NCALD: variants seen among roughly 807,000 people sequenced by gnomAD.
NCALD encodes neurocalcin delta, also known as neurocalcin-delta.
In NCALD, 10 loss-of-function variants were observed where a neutral mutation model predicts 18.6. The ratio of observed to expected loss-of-function variants is 0.54; its 90% confidence interval spans 0.33 to 0.91. NCALD has a LOEUF of 0.91. Ranked by LOEUF, NCALD falls within the 40% of genes least tolerant of loss-of-function variation. The pLI is 0.03. For synonymous variants in NCALD, 88 were observed against 87.4 expected, an observed-to-expected ratio of 1.01 and a Z score of -0.04; for missense variants, 184 against 247.6, an observed-to-expected ratio of 0.74 and a Z score of 1.72.
intron 2 of NCALD, among the ~76,000 whole-genome samples, chr8:101,969,959 A>T (rs886691731): frequency 6.6e-6 from 1 of 152,228 alleles, no homozygotes; most frequent in African/African-American, 2.4e-5. Context: ...GTTTACAGAT[A>T]ATAGAGCATA....
intron 3 of NCALD, among the ~76,000 whole-genome samples, chr8:101,914,489 A>C (rs1049128909): frequency 2.0e-5 from 3 of 152,156 alleles, no homozygotes; most frequent in African/African-American, 7.2e-5. Flanking sequence ...TACTCTTTGA[A>C]AGAAAGTCAT....
At chr8:101,728,250 G>A (rs950081890) in intron 1 of NCALD, among the ~76,000 whole-genome samples, 5 of 152,182 alleles carry the variant, frequency 3.3e-5, no homozygotes, top group Non-Finnish European at 1.5e-5. Flanking sequence ...TTGTGTATTC[G>A]TGGAGGGAAA....
chr8:102,025,709 T>C (rs913904720), intron 1 of NCALD, among the ~76,000 whole-genome samples: 1 of 152,248 alleles, frequency 6.6e-6, no homozygotes, highest in African/African-American at 2.4e-5. Context: ...GCAAAAATCA[T>C]GTTATATCTT....
chr8:101,829,395 A>G (rs1027393366), intron 4 of NCALD, among the ~76,000 whole-genome samples: 2 of 152,236 alleles, frequency 1.3e-5, no homozygotes, highest in Non-Finnish European at 2.9e-5. Flanking sequence ...ACAGTGTTAT[A>G]AAGACTCCAC....
intron 2 of NCALD, among the ~76,000 whole-genome samples, chr8:101,988,011 C>A (rs1425234382): frequency 1.3e-5 from 2 of 151,840 alleles, no homozygotes; most frequent in African/African-American, 4.8e-5. Context: ...AAAAATTAGC[C>A]GGGCGTAGTG....
chr8:102,011,902 C>T (rs762693966), intron 2 of NCALD, among the ~76,000 whole-genome samples: 2 of 152,204 alleles, frequency 1.3e-5, no homozygotes, highest in African/African-American at 2.4e-5. Flanking sequence ...AATGGAAATT[C>T]ATCTTCAGGT....
At chr8:101,942,271 C>T (rs750748916) in intron 2 of NCALD, among the ~76,000 whole-genome samples, 36 of 152,150 alleles carry the variant, frequency 2.4e-4, no homozygotes, top group Non-Finnish European at 4.1e-4. Flanking sequence ...GCTGGCCTCT[C>T]GCTGCACCAA....
At chr8:101,843,239 G>A (rs748867449) in intron 4 of NCALD, among the ~76,000 whole-genome samples, 4 of 152,184 alleles carry the variant, frequency 2.6e-5, no homozygotes, top group Non-Finnish European at 4.4e-5. Flanking sequence ...AACTAGTCCA[G>A]GTAATTGTAG....
At chr8:101,867,091 G>A (rs1768200947) in intron 4 of NCALD, among the ~76,000 whole-genome samples, 1 of 152,058 alleles carries the variant, frequency 6.6e-6, no homozygotes, top group African/African-American at 2.4e-5. Flanking sequence ...ACCCAACACA[G>A]GCCTTTGTAC....
At chr8:101,905,273 T>TCGC (rs1348300358) in intron 3 of NCALD, among the ~76,000 whole-genome samples, 80 of 145,244 alleles carry the variant, frequency 5.5e-4, no homozygotes, top group African/African-American at 1.8e-3. Context: ...ATCTCTCTCC[T>TCGC]CTCCTCTCTC....
chr8:102,081,550 A>AC (rs749809922), intron 1 of NCALD, among the ~76,000 whole-genome samples: 13,252 of 113,644 alleles, frequency 0.12, 1,798 homozygotes, highest in African/African-American at 0.35. Flanking sequence ...AATGGTAAAA[A>AC]AAAAAAAAAA....
At chr8:101,796,365 C>A (rs966550930) in intron 4 of NCALD, among the ~76,000 whole-genome samples, 14 of 152,054 alleles carry the variant, frequency 9.2e-5, no homozygotes. Flanking sequence ...AAAAAATAGG[C>A]AATATAGGTA....
chr8:101,944,806 T>C (rs1819104124), intron 2 of NCALD, among the ~76,000 whole-genome samples: 1 of 152,232 alleles, frequency 6.6e-6, no homozygotes. Context: ...CAGCATTTCC[T>C]GTCAGGCCCA....
chr8:101,844,359 CTTTT>C (rs35559892), intron 4 of NCALD, among the ~76,000 whole-genome samples: 1 of 145,134 alleles, frequency 6.9e-6, no homozygotes, highest in African/African-American at 2.5e-5. Context: ...ACTCTAAATT[CTTTT>C]TTTTTTTTTT....
rs935449645 is a variant in NCALD at position 101,870,181 on chromosome 8, C to T, written c.-20+16960G>A. Among the ~76,000 whole-genome samples the T allele has an allele frequency of 3.9e-5, 6 of 152,196 alleles. No individual in the cohort carries two copies. The East Asian group carries it at 1.2e-3, about 29-fold the overall frequency. ...GCCTCCCATCACTCTCTTTACTTCA[C>T]ATACTTAAAAATTTCCCATCACAAA... On this transcript the variant is annotated intron_variant, in intron 4 of 6. Transcript: ENST00000311028.
intron 1 of NCALD, among the ~76,000 whole-genome samples, chr8:101,748,382 G>T (rs551757590): frequency 1.3e-4 from 20 of 152,276 alleles, no homozygotes; most frequent in African/African-American, 4.6e-4. Flanking sequence ...TAGGTGCTGT[G>T]GTCTAGGGAC....
At chr8:101,729,852 C>T (rs1026122959) in intron 1 of NCALD, among the ~76,000 whole-genome samples, 1 of 152,160 alleles carries the variant, frequency 6.6e-6, no homozygotes. Flanking sequence ...AGTGCAACCA[C>T]ATTACTGCCA....
Position 101,719,605 on chromosome 8 carries a change from G to A in NCALD, c.25C>T (p.Arg9Cys), listed in dbSNP as rs1040328629. MGKQNSKL[R>C]PEVMQDLLES... ...AGCAAGTCCTGCATGACCTCCGGGC[G>A]CAGCTTGCTGTTCTGTTTCCCCATC... The change falls in exon 2 of 4, where the codon CGC (arginine) becomes TGC (cysteine). Residue 9 changes from arginine (R) to cysteine (C), a missense_variant. Arg to Cys is a radical substitution (Grantham distance 180). Coordinates refer to ENST00000220931, the MANE Select transcript of NCALD (RefSeq NM_032041.3). The A allele has an allele frequency of 8.8e-6, 14 of 1,594,314 alleles. No homozygotes were observed. The highest frequency in any genetic ancestry group is 4.5e-5 in the East Asian group (2 of 44,700).
At chr8:102,059,261 T>C (rs369951050) in intron 1 of NCALD, among the ~76,000 whole-genome samples, 7 of 152,360 alleles carry the variant, frequency 4.6e-5, no homozygotes, top group African/African-American at 1.7e-4. Context: ...GGACATCCTC[T>C]TGTAAGGTTC....
Sources: gnomAD v4.1 joint callset for allele counts (sites outside exome capture counted in the v4.1 genomes callset) on GRCh38, gnomAD v4.1.1 for gene constraint, MANE v1.5 for transcripts, NCBI Gene and HGNC (gene_info 2026-07-23, HGNC 2026-07-21) for gene names.